The following WDSUB1 variants were observed in gnomAD, a reference collection of about 807,000 sequenced individuals.
WDSUB1 encodes the protein WD repeat, SAM and U-box domain-containing protein 1.
Under a neutral mutation model 53.9 loss-of-function variants are expected in WDSUB1, and 49 were observed. That is an observed-to-expected ratio of 0.91 (90% CI 0.72 to 1.15). WDSUB1 has a LOEUF of 1.15. Among genes scored for constraint, WDSUB1 ranks in the 50% most tolerant of loss-of-function variants. WDSUB1 has a pLI of 0.00. For synonymous variants in WDSUB1, 194 were observed against 200.6 expected, an observed-to-expected ratio of 0.97 and a Z score of 0.28; for missense variants, 514 against 562.0, an observed-to-expected ratio of 0.91 and a Z score of 0.86.
chr2:159,279,901 G>C lies in WDSUB1; in HGVS notation c.443C>G (p.Ser148Cys). Reference protein sequence around the residue: ...KDGSLAACAFSPNGSFFVTGS... With the variant: ...KDGSLAACAFCPNGSFFVTGS... Reference sequence around the variant, plus strand: ...AGTGACAAAGAAGCTTCCATTAGGAGAAAATGCACATGCCGCCAAGGAGCC... The same window carrying C: ...AGTGACAAAGAAGCTTCCATTAGGACAAAATGCACATGCCGCCAAGGAGCC... The change falls in exon 3 of 11, where the codon TCT becomes TGT. Residue 148 changes from serine (S) to cysteine (C), a missense_variant. Transcript: ENST00000359774. 2 of 1,612,150 alleles carry C rather than the reference G, an allele frequency of 1.2e-6. No individual in the cohort carries two copies. The highest frequency in any genetic ancestry group is 1.7e-5 in the Admixed American group (1 of 59,986).
chr2:159,248,744 T>C (rs1040604980), intron 9 of WDSUB1, among the ~76,000 whole-genome samples: 5 of 152,172 alleles, frequency 3.3e-5, no homozygotes, highest in Non-Finnish European at 7.3e-5. Context: ...TAGCTGGGAC[T>C]ACAGGCACAT....
intron 4 of WDSUB1, among the ~76,000 whole-genome samples, chr2:159,272,127 C>A (rs777987379): frequency 1.3e-5 from 2 of 152,168 alleles, no homozygotes; most frequent in African/African-American, 2.4e-5. Context: ...CGTTTCAGCC[C>A]GCTGCGTACA....
intron 3 of WDSUB1, among the ~76,000 whole-genome samples, chr2:159,278,401 G>A (rs966640096): frequency 6.6e-6 from 1 of 152,182 alleles, no homozygotes; most frequent in Non-Finnish European, 1.5e-5. Context: ...CAGGCACGAT[G>A]AAGAAAAATG....
intron 5 of WDSUB1, among the ~76,000 whole-genome samples, chr2:159,266,547 T>G (rs933559392): frequency 6.6e-6 from 1 of 152,198 alleles, no homozygotes; most frequent in Admixed American, 6.5e-5. Flanking sequence ...TAAGAACCAC[T>G]GACCTAAATC....
At chr2:159,260,705 C>T (rs956601154) in intron 5 of WDSUB1, among the ~76,000 whole-genome samples, 2 of 152,188 alleles carry the variant, frequency 1.3e-5, no homozygotes, top group African/African-American at 4.8e-5. Flanking sequence ...CACAAAAATA[C>T]AACATTATAA....
chr2:159,262,472 G>A (rs750790532), intron 5 of WDSUB1, among the ~76,000 whole-genome samples: 21 of 151,846 alleles, frequency 1.4e-4, no homozygotes, highest in Middle Eastern at 3.2e-3. Context: ...TTTGAGAAGC[G>A]CAAGGCCAAA....
chr2:159,254,640 T>C (rs370370491), intron 9 of WDSUB1, among the ~76,000 whole-genome samples: 2 of 152,262 alleles, frequency 1.3e-5, no homozygotes. Context: ...GCTTTTCTTA[T>C]GTTTTCAAAC....
At chr2:159,253,026 A>G (rs1456572826) in intron 9 of WDSUB1, among the ~76,000 whole-genome samples, 1 of 152,244 alleles carries the variant, frequency 6.6e-6, no homozygotes, top group African/African-American at 2.4e-5. Flanking sequence ...CAAGATACGT[A>G]GCAATCTGCC....
chr2:159,257,848 C>T lies in WDSUB1; in HGVS notation c.862G>A (p.Ala288Thr). The T allele has an allele frequency of 1.2e-6, 2 of 1,614,136 alleles. No individual in the cohort carries two copies. Among genetic ancestry groups the T allele is most frequent in the Non-Finnish European group, 1.7e-6 (2 of 1,179,992 alleles). The change falls in exon 8 of 11, where the codon GCT (alanine) becomes ACT (threonine). Residue 288 changes from alanine to threonine, a missense_variant. By Grantham distance (58) the Ala-to-Thr change is moderately conservative (BLOSUM62 0). Transcript: ENST00000359774. Reference protein sequence around the residue: ...TQHTRYVTTCAFAPNTLLLAT... With the variant: ...TQHTRYVTTCTFAPNTLLLAT... ...AGTAAAAGGGTATTAGGTGCAAAAGCACAAGTTGTGACATACCTAGTTAAT... is the reference window on the plus strand; with the variant it reads ...AGTAAAAGGGTATTAGGTGCAAAAGTACAAGTTGTGACATACCTAGTTAAT...
At chr2:159,238,662 C>T (rs1442761037) in intron 10 of WDSUB1, among the ~76,000 whole-genome samples, 1 of 152,194 alleles carries the variant, frequency 6.6e-6, no homozygotes, top group African/African-American at 2.4e-5. Flanking sequence ...TTAAACTTTT[C>T]CATTGTTCTA....
intron 5 of WDSUB1, among the ~76,000 whole-genome samples, chr2:159,266,069 TA>T (rs2061340619): frequency 6.6e-6 from 1 of 152,268 alleles, no homozygotes; most frequent in African/African-American, 2.4e-5. Context: ...CTATTGCTTT[TA>T]AATGAATTTA....
chr2:159,246,112 T>C (rs1416155550), intron 10 of WDSUB1, among the ~76,000 whole-genome samples: 4 of 152,086 alleles, frequency 2.6e-5, no homozygotes, highest in African/African-American at 7.2e-5. Context: ...CTCAACATCA[T>C]TAGTCAAGAG....
intron 6 of WDSUB1, among the ~76,000 whole-genome samples, chr2:159,258,416 C>T (rs1176700736): frequency 6.6e-6 from 1 of 152,170 alleles, no homozygotes; most frequent in East Asian, 1.9e-4. Context: ...CCCAGCATGT[C>T]GGGAGGCCGA....
At chr2:159,283,230 A>G (rs1257790681) in intron 1 of WDSUB1, 137 bp from the exon 2 acceptor site, 8 of 739,446 alleles carry the variant, frequency 1.1e-5, no homozygotes, top group Non-Finnish European at 1.7e-5. Flanking sequence ...AGTGGTCCCC[A>G]CCTTTTCGGC....
At chr2:159,274,953 A>G (rs2061509804) in intron 4 of WDSUB1, among the ~76,000 whole-genome samples, 1 of 152,198 alleles carries the variant, frequency 6.6e-6, no homozygotes, top group African/African-American at 2.4e-5. Context: ...TTAATGCGAT[A>G]AAACATTCAA....
intron 10 of WDSUB1, among the ~76,000 whole-genome samples, chr2:159,240,071 G>A (rs1394522431): frequency 4.6e-5 from 7 of 152,192 alleles, no homozygotes; most frequent in Non-Finnish European, 1.0e-4. Flanking sequence ...TGCCCCCGCA[G>A]CGTGTGGCCA....
chr2:159,257,936 A>G lies in WDSUB1; in HGVS notation c.845+9T>C, dbSNP rs762949534. The G allele has an allele frequency of 1.2e-6, 2 of 1,613,278 alleles. No individual in the cohort carries two copies. Among genetic ancestry groups the G allele is most frequent in the Middle Eastern group, 1.7e-4 (1 of 5,972 alleles). On this transcript the variant is annotated intron_variant, in intron 7 of 10. Transcript: ENST00000359774. Reference sequence around the variant, plus strand: ...ATTATATTAATACAAGGTGAGGTTAAGTTCAGACCTGGTGTGCTGAGTCAA... The same window carrying G: ...ATTATATTAATACAAGGTGAGGTTAGGTTCAGACCTGGTGTGCTGAGTCAA...
chr2:159,240,425 CTG>C lies in WDSUB1; in HGVS notation c.1274-4237_1274-4236del, dbSNP rs766269796. 2.6e-4 allele frequency among the ~76,000 whole-genome samples: 40 copies of C among 152,294 alleles called. No homozygotes were observed. The East Asian group carries it at 4.4e-3, about 17-fold the overall frequency. ...AATAACTTTCTGAAGAGCTTCCAGA[CTG>C]TTTTCAACAGCAACCACACATGAAG... is the stretch of plus-strand genomic sequence containing the variant. On this transcript the variant is annotated intron_variant, in intron 10 of 10. Coordinates refer to ENST00000359774, the MANE Select transcript of WDSUB1 (RefSeq NM_001128212.3).
chr2:159,247,575 GA>G (rs1027621209), intron 10 of WDSUB1, among the ~76,000 whole-genome samples: 45 of 151,758 alleles, frequency 3.0e-4, no homozygotes, highest in Admixed American at 3.0e-3. Flanking sequence ...CACATCTAAC[GA>G]AATGTGTCAA....
Sources: allele counts gnomAD v4.1 joint callset (sites outside exome capture counted in the v4.1 genomes callset), GRCh38; gene constraint gnomAD v4.1.1; transcripts MANE v1.5; gene names NCBI Gene and HGNC (gene_info 2026-07-23, HGNC 2026-07-21).